The following HIVEP3 variants were observed in gnomAD, a reference collection of about 807,000 sequenced individuals.
HIVEP3 encodes transcription factor HIVEP3.
HIVEP3 carries 49 observed loss-of-function variants against 152.8 expected under a neutral mutation model. That is an observed-to-expected ratio of 0.32 (90% confidence interval 0.26 to 0.41). The LOEUF is 0.41. Ranked by LOEUF, HIVEP3 falls within the 10% of genes least tolerant of loss-of-function variation. The probability of loss-of-function intolerance (pLI) is 1.00; values close to 1 mark genes in which losing one functional copy is unlikely to be tolerated. For missense variants in HIVEP3, 2,790 were observed against 3,103.3 expected (o/e 0.90, Z 2.40); for synonymous variants, 1,269 against 1,289.0 (o/e 0.98, Z 0.33).
At chr1:41,636,249 A>G (rs973899976) in intron 2 of HIVEP3, among the ~76,000 whole-genome samples, 1 of 152,364 alleles carries the variant, frequency 6.6e-6, no homozygotes, top group African/African-American at 2.4e-5. Flanking sequence ...AAATGGGTAC[A>G]GAATGAGGAA....
chr1:41,924,519 G>A (rs1191539734), intron 1 of HIVEP3, among the ~76,000 whole-genome samples: 1 of 152,100 alleles, frequency 6.6e-6, no homozygotes, highest in Non-Finnish European at 1.5e-5. Context: ...CACATGCAAG[G>A]AGATGGTAGA....
intron 1 of HIVEP3, among the ~76,000 whole-genome samples, chr1:41,834,043 C>T (rs1311556566): frequency 6.6e-6 from 1 of 152,168 alleles, no homozygotes; most frequent in Non-Finnish European, 1.5e-5. Flanking sequence ...GAATCCCCAG[C>T]ATGGTCACAG....
intron 5 of HIVEP3, among the ~76,000 whole-genome samples, chr1:41,531,458 T>G (rs1233537471): frequency 0.19 from 4,277 of 22,918 alleles, no homozygotes; most frequent in African/African-American, 0.22. Context: ...ATGGAGGACA[T>G]GAGAGATAGA....
chr1:41,711,337 C>T (rs1411364581), intron 1 of HIVEP3, among the ~76,000 whole-genome samples: 1 of 152,258 alleles, frequency 6.6e-6, no homozygotes, highest in Non-Finnish European at 1.5e-5. Flanking sequence ...ATGGCGTCTA[C>T]TGGTTCCCTC....
At chr1:42,015,444 TG>T (rs1355674288) in intron 1 of HIVEP3, among the ~76,000 whole-genome samples, 1 of 152,212 alleles carries the variant, frequency 6.6e-6, no homozygotes, top group African/African-American at 2.4e-5. Flanking sequence ...GTGAGGGGTT[TG>T]CATGGTCACT....
At chr1:41,777,632 CAGAGG>C (rs1648790952) in intron 1 of HIVEP3, among the ~76,000 whole-genome samples, 1 of 152,192 alleles carries the variant, frequency 6.6e-6, no homozygotes, top group African/African-American at 2.4e-5. Context: ...TCCGTGTGTG[CAGAGG>C]AAAGAGCTTT....
intron 5 of HIVEP3, among the ~76,000 whole-genome samples, chr1:41,571,175 A>G (rs1019453403): frequency 1.3e-5 from 2 of 152,152 alleles, no homozygotes; most frequent in Admixed American, 6.5e-5. Flanking sequence ...ATAAGCCCCA[A>G]TAACACACCA....
At chr1:41,737,737 G>A (rs997258506) in intron 1 of HIVEP3, among the ~76,000 whole-genome samples, 3 of 152,206 alleles carry the variant, frequency 2.0e-5, no homozygotes, top group African/African-American at 7.2e-5. Flanking sequence ...TAAGAACTGT[G>A]TTTTAATAAG....
chr1:41,982,312 G>A (rs547997782), intron 1 of HIVEP3, among the ~76,000 whole-genome samples: 5 of 152,206 alleles, frequency 3.3e-5, no homozygotes, highest in East Asian at 3.9e-4. Context: ...TTCTTCTTCC[G>A]CACAAACAAA....
At chr1:41,736,837 A>C (rs1276970771) in intron 1 of HIVEP3, among the ~76,000 whole-genome samples, 2 of 152,136 alleles carry the variant, frequency 1.3e-5, no homozygotes, top group African/African-American at 4.8e-5. Flanking sequence ...GGCCTGTCAG[A>C]GGGATGTGGC....
At chr1:41,707,152 T>C (rs1297330220) in intron 1 of HIVEP3, among the ~76,000 whole-genome samples, 1 of 152,182 alleles carries the variant, frequency 6.6e-6, no homozygotes, top group African/African-American at 2.4e-5. Flanking sequence ...GGCTGCCCCT[T>C]GAAGGGGTTC....
intron 5 of HIVEP3, among the ~76,000 whole-genome samples, chr1:41,531,006 G>A (rs1643228262): frequency 6.6e-6 from 1 of 152,196 alleles, no homozygotes; most frequent in Admixed American, 6.5e-5. Context: ...GTTGGGTGAG[G>A]CCAGGGATGA....
In HIVEP3 at chr1:41,510,590, G is replaced by A; in HGVS notation, c.7082C>T (p.Ala2361Val). The A allele has an allele frequency of 6.4e-7, 1 of 1,557,068 alleles. No individual in the cohort carries two copies. The highest frequency in any genetic ancestry group is 8.7e-7 in the Non-Finnish European group (1 of 1,150,874). Residue 2361 changes from alanine (A) to valine (V), a missense_variant, in exon 9 of 9, where the codon GCC (alanine) becomes GTC (valine). Physicochemically the swap from Ala to Val is moderately conservative, Grantham distance 64 (BLOSUM62 0). This residue lies in a region of HIVEP3 where 816 missense variants were observed against 806.5 expected (regional missense o/e 1.01). Coordinates refer to ENST00000372583, the MANE Select transcript of HIVEP3 (RefSeq NM_024503.5). ...CGTCCGGGCTGGGAAGCGGGCAGAG[G>A]CCTCTGCCAGGCAGCCCACAGAGCT... ...RSSSVGCLAE[A>V]SARFPARTRN...
At chr1:41,930,880 G>A (rs911722034) in intron 1 of HIVEP3, among the ~76,000 whole-genome samples, 1 of 152,080 alleles carries the variant, frequency 6.6e-6, no homozygotes, top group Non-Finnish European at 1.5e-5. Flanking sequence ...TAAAAATAAT[G>A]TTAAGTGTCT....
intron 5 of HIVEP3, among the ~76,000 whole-genome samples, chr1:41,528,281 T>TTC (rs1643079633): frequency 3.6e-5 from 2 of 55,660 alleles, no homozygotes; most frequent in Non-Finnish European, 6.9e-5. Flanking sequence ...CACCCTCACA[T>TTC]ACACCCCCAC....
intron 2 of HIVEP3, among the ~76,000 whole-genome samples, chr1:41,660,672 T>C (rs1645698517): frequency 6.6e-6 from 1 of 152,202 alleles, no homozygotes; most frequent in Admixed American, 6.5e-5. Flanking sequence ...AAGCACTGTT[T>C]CCTTGGAGAG....
intron 1 of HIVEP3, among the ~76,000 whole-genome samples, chr1:41,869,220 A>C (rs1388617155): frequency 2.0e-5 from 3 of 152,210 alleles, no homozygotes; most frequent in African/African-American, 7.2e-5. Context: ...CTCATTAATA[A>C]AGACAACGCT....
intron 5 of HIVEP3, among the ~76,000 whole-genome samples, chr1:41,563,173 C>A (rs1387050511): frequency 6.6e-6 from 1 of 151,922 alleles, no homozygotes; most frequent in African/African-American, 2.4e-5. Context: ...ATGGCGAAAT[C>A]CCATCTCTAC....
At chr1:41,688,724 C>T (rs897374921) in intron 2 of HIVEP3, among the ~76,000 whole-genome samples, 27 of 152,360 alleles carry the variant, frequency 1.8e-4, no homozygotes, top group African/African-American at 6.0e-4. Flanking sequence ...TCCAAGGCCC[C>T]GGTGATGTGG....
Sources: gnomAD v4.1 joint callset for allele counts (sites outside exome capture counted in the v4.1 genomes callset) on GRCh38, gnomAD v4.1.1 for gene constraint, gnomAD v4.1.1 regional missense constraint, MANE v1.5 for transcripts, NCBI Gene and HGNC (gene_info 2026-07-23, HGNC 2026-07-21) for gene names.